The following OXR1 variants were observed in gnomAD, a reference collection of about 807,000 sequenced individuals.
OXR1 encodes oxidation resistance protein 1.
In OXR1, 41 loss-of-function variants were observed where a neutral mutation model predicts 104.6. That is an observed-to-expected ratio of 0.39 (90% CI 0.31 to 0.51). The LOEUF is 0.51. Ranked by LOEUF, OXR1 falls within the 20% of genes least tolerant of loss-of-function variation. The probability of loss-of-function intolerance (pLI) is 0.77; values close to 1 mark genes in which losing one functional copy is unlikely to be tolerated. For missense variants in OXR1, 955 were observed against 1,031.9 expected (o/e 0.93, Z 1.02); for synonymous variants, 348 against 348.4 (o/e 1.00, Z 0.01).
intron 2 of OXR1, among the ~76,000 whole-genome samples, chr8:106,395,540 C>T (rs1817742901): frequency 6.6e-6 from 1 of 152,112 alleles, no homozygotes; most frequent in Admixed American, 6.6e-5. Flanking sequence ...GACTGGCCCC[C>T]ATAATTCAAT....
intron 6 of OXR1, among the ~76,000 whole-genome samples, chr8:106,684,925 AATTATAT>A (rs755169185): frequency 1.2e-4 from 18 of 152,174 alleles, no homozygotes; most frequent in Non-Finnish European, 1.8e-4. Context: ...TTCTGAAAGG[AATTATAT>A]ATTATATATT....
intron 7 of OXR1, among the ~76,000 whole-genome samples, chr8:106,695,728 C>T (rs1212785630): frequency 6.6e-6 from 1 of 152,030 alleles, no homozygotes; most frequent in Non-Finnish European, 1.5e-5. Context: ...CGTTTATGTA[C>T]ATTTTCAAAA....
chr8:106,584,028 A>T (rs1035587980), intron 3 of OXR1, among the ~76,000 whole-genome samples: 8 of 152,168 alleles, frequency 5.3e-5, no homozygotes, highest in Admixed American at 3.9e-4. Context: ...GGGAAGAAAG[A>T]AAACCATCTA....
chr8:106,590,319 G>A (rs1353568750), intron 3 of OXR1, among the ~76,000 whole-genome samples: 5 of 152,010 alleles, frequency 3.3e-5, no homozygotes, highest in Admixed American at 1.3e-4. Flanking sequence ...ACGGAGTCTC[G>A]CTCTGTCGCC....
At chr8:106,605,982 A>G (rs76131882) in intron 3 of OXR1, among the ~76,000 whole-genome samples, 888 of 87,720 alleles carry the variant, frequency 0.01, 3 homozygotes, top group Middle Eastern at 0.043. Flanking sequence ...TATGGGATGC[A>G]AAGTGTTTAC....
At chr8:106,455,010 C>T (rs774267635) in intron 2 of OXR1, among the ~76,000 whole-genome samples, 1 of 152,050 alleles carries the variant, frequency 6.6e-6, no homozygotes, top group Non-Finnish European at 1.5e-5. Context: ...TTGTCTGTAC[C>T]CTTGCTGCTT....
intron 2 of OXR1, among the ~76,000 whole-genome samples, chr8:106,514,409 T>G (rs959092073): frequency 6.6e-6 from 1 of 152,130 alleles, no homozygotes; most frequent in African/African-American, 2.4e-5. Flanking sequence ...TTTCTAAGAA[T>G]GTGCAAATGG....
At chr8:106,630,230 A>G (rs965393027) in intron 3 of OXR1, among the ~76,000 whole-genome samples, 6 of 152,200 alleles carry the variant, frequency 3.9e-5, no homozygotes, top group Non-Finnish European at 7.3e-5. Context: ...TTTATCTGCA[A>G]TGTGGGGATA....
rs1195099154 is a variant in OXR1 at position 106,332,022 on chromosome 8, G to GTA, written c.-138-27453_-138-27452insAT. On this transcript the variant is annotated intron_variant, in intron 1 of 16. Coordinates refer to ENST00000517566, the MANE Select transcript of OXR1 (RefSeq NM_001198533.2). ...AGTGTGTGTGTGTGTGTGTGTGTGT[G>GTA]TGTGTGTGTGTGTGTGTGTGAATGC... Among the ~76,000 whole-genome samples, 17 of 151,648 alleles carry GTA rather than the reference G, an allele frequency of 1.1e-4. No individual in the cohort carries two copies. In the South Asian group the frequency reaches 3.1e-3, roughly 28 times the overall value.
intron 2 of OXR1, among the ~76,000 whole-genome samples, chr8:106,502,358 T>C (rs569986080): frequency 2.7e-3 from 418 of 152,328 alleles, no homozygotes; most frequent in African/African-American, 9.5e-3. Flanking sequence ...GTTCGTCTGC[T>C]ATAAGATATA....
chr8:106,649,862 A>G (rs1824412540), intron 3 of OXR1, among the ~76,000 whole-genome samples: 1 of 151,962 alleles, frequency 6.6e-6, no homozygotes, highest in Non-Finnish European at 1.5e-5. Context: ...ACGCCCAGCT[A>G]ATTTTTTGTA....
At chr8:106,362,549 G>T (rs1019799059) in intron 2 of OXR1, among the ~76,000 whole-genome samples, 1 of 151,946 alleles carries the variant, frequency 6.6e-6, no homozygotes. Context: ...TAAAATCTAA[G>T]AAATATATTT....
At chr8:106,352,254 A>G (rs1346301726) in intron 1 of OXR1, among the ~76,000 whole-genome samples, 7 of 152,236 alleles carry the variant, frequency 4.6e-5, no homozygotes, top group Admixed American at 4.6e-4. Context: ...GGATGGGTGG[A>G]ACAATATACT....
chr8:106,675,343 C>T (rs1445540418), intron 3 of OXR1, among the ~76,000 whole-genome samples: 2 of 152,132 alleles, frequency 1.3e-5, no homozygotes, highest in East Asian at 1.9e-4. Context: ...CATGTGTGTG[C>T]ATGTATGCAT....
chr8:106,612,699 T>A (rs1336651590), intron 3 of OXR1, among the ~76,000 whole-genome samples: 1 of 152,206 alleles, frequency 6.6e-6, no homozygotes, highest in Non-Finnish European at 1.5e-5. Context: ...GTGAAGTACC[T>A]ACATACACTT....
At chr8:106,511,611 G>A (rs1181841707) in intron 2 of OXR1, among the ~76,000 whole-genome samples, 2 of 152,168 alleles carry the variant, frequency 1.3e-5, no homozygotes, top group Non-Finnish European at 2.9e-5. Context: ...AAGTGAGAAT[G>A]TGTATAGCTA....
At chr8:106,452,654 T>G (rs561438217) in intron 2 of OXR1, among the ~76,000 whole-genome samples, 1 of 152,148 alleles carries the variant, frequency 6.6e-6, no homozygotes, top group East Asian at 1.9e-4. Context: ...AATTTACTGT[T>G]CCTGGAATTG....
chr8:106,663,435 G>C (rs571961005), intron 3 of OXR1, among the ~76,000 whole-genome samples: 1 of 152,330 alleles, frequency 6.6e-6, no homozygotes, highest in Non-Finnish European at 1.5e-5. Flanking sequence ...GAGTTAGAAA[G>C]ATAGTAAAAT....
intron 6 of OXR1, among the ~76,000 whole-genome samples, chr8:106,691,533 T>C (rs1393265785): frequency 6.6e-6 from 1 of 151,464 alleles, no homozygotes; most frequent in Non-Finnish European, 1.5e-5. Flanking sequence ...GAGTTCAGAC[T>C]TTCAGGTAAC....
Sources: gnomAD v4.1 joint callset for allele counts (sites outside exome capture counted in the v4.1 genomes callset) on GRCh38, gnomAD v4.1.1 for gene constraint, MANE v1.5 for transcripts, NCBI Gene and HGNC (gene_info 2026-07-23, HGNC 2026-07-21) for gene names.